The following PCLO variants were observed in gnomAD, a reference collection of about 807,000 sequenced individuals.
PCLO encodes protein piccolo.
In PCLO, 82 loss-of-function variants were observed where a neutral mutation model predicts 427.5. The ratio of observed to expected loss-of-function variants is 0.19; its 90% CI spans 0.16 to 0.23. PCLO has a LOEUF of 0.23. PCLO is among the 10% of genes least tolerant of loss of function. The pLI is 1.00. For missense variants in PCLO, 6,239 were observed against 6,115.9 expected, an observed-to-expected ratio of 1.02 and a Z score of -0.67; for synonymous variants, 2,357 against 2,155.4, an observed-to-expected ratio of 1.09 and a Z score of -2.59.
At position 82,758,648 on chromosome 7, in the gene PCLO, A is replaced by G. The variant is rs1790367655; in HGVS notation, c.15356T>C (p.Leu5119Pro). Residue 5119 changes from leucine to proline, a missense_variant, in exon 25 of 25, where the codon CTT becomes CCT. By Grantham distance (98) the Leu-to-Pro change is moderately conservative. Coordinates refer to ENST00000333891, the MANE Select transcript of PCLO (RefSeq NM_033026.6). The part of the protein sequence containing the change: ...KTLIGEACIW[L>P]DKVDLRKRIV... ...TCTTTTTCTGAGATCCACTTTGTCAAGCCAGATACAGGCTTCACCAATCAA... is the reference window on the plus strand; with the variant it reads ...TCTTTTTCTGAGATCCACTTTGTCAGGCCAGATACAGGCTTCACCAATCAA... The G allele has an allele frequency of 6.2e-7, 1 of 1,610,844 alleles. No homozygotes were observed. Among genetic ancestry groups the G allele is most frequent in the Middle Eastern group, 1.7e-4 (1 of 6,050 alleles).
chr7:82,875,617 T>A (rs1213526550), intron 10 of PCLO, among the ~76,000 whole-genome samples: 1 of 152,006 alleles, frequency 6.6e-6, no homozygotes, highest in Non-Finnish European at 1.5e-5. Flanking sequence ...ACTCCTGTTT[T>A]CCCAAAGCCA....
chr7:83,162,260 G>A, intron 1 of PCLO, 85 bp downstream of exon 1: 3 of 1,428,602 alleles, frequency 2.1e-6, no homozygotes, highest in Non-Finnish European at 2.8e-6. Flanking sequence ...TATATGTACC[G>A]CCGTGCTGGC....
intron 3 of PCLO, among the ~76,000 whole-genome samples, chr7:83,048,785 A>C (rs1276304049): frequency 2.0e-5 from 3 of 152,098 alleles, no homozygotes; most frequent in Non-Finnish European, 2.9e-5. Context: ...CTGATGGTTT[A>C]AAGAGCACCA....
At chr7:83,058,844 C>T (rs193128144) in intron 3 of PCLO, among the ~76,000 whole-genome samples, 14 of 152,164 alleles carry the variant, frequency 9.2e-5, no homozygotes, top group African/African-American at 3.4e-4. Context: ...CTGGATATTA[C>T]ACAACAGGAA....
intron 20 of PCLO, chr7:82,820,641 C>T: frequency 8.1e-7 from 1 of 1,230,606 alleles, no homozygotes; most frequent in African/African-American, 1.6e-5. Context: ...AGTGCATTAA[C>T]AATTTTTCCT....
At chr7:83,158,739 A>T (rs1298277175) in intron 1 of PCLO, among the ~76,000 whole-genome samples, 1 of 152,054 alleles carries the variant, frequency 6.6e-6, no homozygotes, top group Non-Finnish European at 1.5e-5. Context: ...TCCTACAAAT[A>T]TAAGTTGTAC....
chr7:83,077,804 A>G (rs1789994824), intron 3 of PCLO, among the ~76,000 whole-genome samples: 1 of 152,084 alleles, frequency 6.6e-6, no homozygotes, highest in Non-Finnish European at 1.5e-5. Context: ...CAAAGTGAAT[A>G]TATAAAAAGA....
chr7:82,818,240 T>C (rs1791717322), intron 20 of PCLO, among the ~76,000 whole-genome samples: 1 of 152,144 alleles, frequency 6.6e-6, no homozygotes, highest in Non-Finnish European at 1.5e-5. Context: ...AAAATTCCTT[T>C]TGACTCACTC....
At position 82,992,256 on chromosome 7, in the gene PCLO, T is replaced by C. The variant is rs118113499; in HGVS notation, c.3301-25769A>G. Among the ~76,000 whole-genome samples, 371 of 152,166 alleles carry C rather than the reference T, an allele frequency of 2.4e-3. 1 individual carries two copies. The highest frequency in any genetic ancestry group is 4.2e-3 in the Non-Finnish European group (283 of 68,004). On this transcript the variant is annotated intron_variant, in intron 3 of 24. Transcript: ENST00000333891. ...AGACTACTACAAAGAAAGATGTAGG[T>C]TCATCCTCCTTGTCTACCTCAAAGA...
intron 3 of PCLO, among the ~76,000 whole-genome samples, chr7:83,119,176 T>C (rs776929481): frequency 3.3e-5 from 5 of 152,118 alleles, no homozygotes; most frequent in Non-Finnish European, 5.9e-5. Flanking sequence ...ACGTCAGTGG[T>C]AGCCAGGCAA....
Position 82,914,977 on chromosome 7 carries a change from T to G in PCLO, c.13009A>C (p.Thr4337Pro). The change falls in exon 7 of 25, where the codon ACT becomes CCT. Residue 4337 changes from threonine (T) to proline (P), a missense_variant. By Grantham distance (38) the Thr-to-Pro change is conservative. Around this residue, in one of 5 missense-constraint regions of PCLO, gnomAD observed 680 missense variants for 677.3 expected, o/e 1.00. Coordinates refer to ENST00000333891, the MANE Select transcript of PCLO (RefSeq NM_033026.6). Reference protein sequence around the residue: ...SFSHASSSARTKPTSLPISQS... With the variant: ...SFSHASSSARPKPTSLPISQS... ...CTAATTGGCAAACTGGTCGGCTTAG[T>G]TCTGGCAGAGGATGATGCATGACTA... The G allele has an allele frequency of 6.2e-7, 1 of 1,613,734 alleles. No individual in the cohort carries two copies.
intron 6 of PCLO, among the ~76,000 whole-genome samples, chr7:82,935,568 C>A (rs766376035): frequency 3.2e-4 from 48 of 151,484 alleles, no homozygotes; most frequent in Non-Finnish European, 5.8e-4. Context: ...TTAAAAAAAT[C>A]TATGTCTACA....
At chr7:83,069,375 G>A (rs1789748591) in intron 3 of PCLO, among the ~76,000 whole-genome samples, 1 of 152,090 alleles carries the variant, frequency 6.6e-6, no homozygotes. Flanking sequence ...AACCTGTGTT[G>A]TTCTAGAGTC....
chr7:83,102,731 A>T, intron 3 of PCLO, among the ~76,000 whole-genome samples: 1 of 151,918 alleles, frequency 6.6e-6, no homozygotes, highest in East Asian at 1.9e-4. Flanking sequence ...TTGAAAAAAT[A>T]AAACTCTTGA....
chr7:82,966,293 T>G lies in PCLO; in HGVS notation c.3495A>C (p.Lys1165Asn), dbSNP rs1584232082. ...CCAGAATGACTTTTTCAGCTTCCGT[T>G]TTTACTTCTTGTTCTTGCTTTTTCA... is the stretch of plus-strand genomic sequence containing the variant. The part of the protein sequence containing the change: ...KLVKKQEQEV[K>N]TEAEKVILEK... Residue 1165 changes from lysine (K) to asparagine (N), a missense_variant, in exon 4 of 25, where the codon AAA (lysine) becomes AAC (asparagine). Lys to Asn is a moderately conservative substitution (Grantham distance 94). This residue lies in a region of PCLO where 4,677 missense variants were observed against 4,468.4 expected (regional missense o/e 1.05). Transcript: ENST00000333891. 5.0e-6 allele frequency: 8 copies of G among 1,613,198 alleles called. No individual in the cohort carries two copies. Among genetic ancestry groups the G allele is most frequent in the Non-Finnish European group, 6.8e-6 (8 of 1,179,744 alleles).
At chr7:82,894,634 T>G (rs1793856558) in intron 9 of PCLO, among the ~76,000 whole-genome samples, 1 of 151,930 alleles carries the variant, frequency 6.6e-6, no homozygotes, top group African/African-American at 2.4e-5. Flanking sequence ...GACATTTGGG[T>G]AGGGACACAG....
At chr7:83,148,979 A>C (rs1412301387) in intron 2 of PCLO, among the ~76,000 whole-genome samples, 1 of 152,160 alleles carries the variant, frequency 6.6e-6, no homozygotes, top group East Asian at 1.9e-4. Flanking sequence ...CTCATAGATG[A>C]GTAATGTTCT....
rs758546029 is a variant in PCLO, at chr7:83,155,535, G to C, written c.1106C>G (p.Ala369Gly). ...TKPPAQPLGP[A>G]KPPAQQTGSE... Reference sequence around the variant, plus strand: ...CCCAGTCTGCTGAGCTGGAGGCTTAGCAGGACCAAGAGGCTGAGCTGGAGG... The same window carrying C: ...CCCAGTCTGCTGAGCTGGAGGCTTACCAGGACCAAGAGGCTGAGCTGGAGG... The change falls in exon 2 of 25, where the codon GCT becomes GGT. Residue 369 changes from alanine (A) to glycine (G), a missense_variant. Coordinates refer to ENST00000333891, the MANE Select transcript of PCLO (RefSeq NM_033026.6). The C allele has an allele frequency of 6.2e-7, 1 of 1,612,808 alleles. No individual in the cohort carries two copies. The highest frequency in any genetic ancestry group is 8.5e-7 in the Non-Finnish European group (1 of 1,179,184).
chr7:82,831,917 C>T (rs1027965808), intron 16 of PCLO, among the ~76,000 whole-genome samples: 1 of 152,106 alleles, frequency 6.6e-6, no homozygotes, highest in Non-Finnish European at 1.5e-5. Flanking sequence ...CCACCTAACA[C>T]AATTTAAAAC....
Sources: allele counts gnomAD v4.1 joint callset (sites outside exome capture counted in the v4.1 genomes callset), GRCh38; gene constraint gnomAD v4.1.1; regional missense constraint gnomAD v4.1.1; transcripts MANE v1.5; gene names NCBI Gene and HGNC (gene_info 2026-07-23, HGNC 2026-07-21).